Variants in CDH12 observed in about 807,000 individuals in gnomAD.
CDH12 encodes cadherin 12.
A neutral mutation model predicts 74.1 loss-of-function variants in CDH12; 41 were observed. The ratio of observed to expected loss-of-function variants is 0.55; its 90% CI spans 0.43 to 0.72. The LOEUF (loss-of-function observed/expected upper bound fraction) is 0.72. Ranked by LOEUF, CDH12 falls within the 30% of genes least tolerant of loss-of-function variation. The pLI, the probability that CDH12 is intolerant of heterozygous loss-of-function variation, is 0.00. For synonymous variants in CDH12, 399 were observed against 355.0 expected, an observed-to-expected ratio of 1.12 and a Z score of -1.39; for missense variants, 945 against 977.2, an observed-to-expected ratio of 0.97 and a Z score of 0.44.
intron 5 of CDH12, among the ~76,000 whole-genome samples, chr5:22,043,435 T>A (rs1176014758): frequency 2.0e-5 from 3 of 152,016 alleles, no homozygotes; most frequent in Non-Finnish European, 2.9e-5. Context: ...AGACATCAAA[T>A]GTATATAGCT....
In CDH12 at chr5:22,200,474, C is replaced by G. The variant is rs191260557; in HGVS notation, c.-187+12024G>C. Among the ~76,000 whole-genome samples, 72 of 152,190 alleles carry G rather than the reference C, an allele frequency of 4.7e-4. 1 individual carries two copies. Among genetic ancestry groups the G allele is most frequent in the Admixed American group, 1.8e-3 (28 of 15,286 alleles). On this transcript the variant is annotated intron_variant, in intron 4 of 14. Transcript: ENST00000382254. ...CACCCAGTTATTACATAGAAAAGAG[C>G]TGATTGAAAATAGGTGACCTTTACC...
chr5:22,039,432 C>T (rs1739420184), intron 5 of CDH12, among the ~76,000 whole-genome samples: 1 of 152,006 alleles, frequency 6.6e-6, no homozygotes. Context: ...ACCACAAGAC[C>T]CAGTGTCACA....
intron 3 of CDH12, among the ~76,000 whole-genome samples, chr5:22,220,267 G>A (rs994951582): frequency 1.1e-4 from 17 of 151,792 alleles, no homozygotes; most frequent in African/African-American, 3.9e-4. Context: ...TGATTCTACA[G>A]ATGTTATTGA....
chr5:22,174,437 T>C (rs1329631471), intron 4 of CDH12, among the ~76,000 whole-genome samples: 1 of 152,024 alleles, frequency 6.6e-6, no homozygotes, highest in African/African-American at 2.4e-5. Flanking sequence ...GTTTAATCAG[T>C]TCAAGATCCA....
chr5:21,903,876 T>C (rs939448023), intron 6 of CDH12, among the ~76,000 whole-genome samples: 1 of 152,042 alleles, frequency 6.6e-6, no homozygotes, highest in African/African-American at 2.4e-5. Context: ...TGAATAGTAG[T>C]TCCAGAAAAG....
chr5:22,236,201 T>C (rs1205518212), intron 3 of CDH12, among the ~76,000 whole-genome samples: 2 of 152,228 alleles, frequency 1.3e-5, no homozygotes, highest in Non-Finnish European at 2.9e-5. Context: ...ACAACGTACA[T>C]TTAGGCTATA....
chr5:21,775,475 T>C (rs996346246), intron 11 of CDH12, among the ~76,000 whole-genome samples: 7 of 152,220 alleles, frequency 4.6e-5, no homozygotes, highest in Middle Eastern at 3.4e-3. Context: ...TCACAAGTCT[T>C]TTAAGGCTCT....
At chr5:22,801,644 T>G (rs1160936842) in intron 1 of CDH12, among the ~76,000 whole-genome samples, 1 of 37,676 alleles carries the variant, frequency 2.7e-5, no homozygotes, top group Non-Finnish European at 5.5e-5. Flanking sequence ...ATCATATATA[T>G]ATATATATAT....
intron 8 of CDH12, among the ~76,000 whole-genome samples, chr5:21,833,129 AT>A (rs2149971929): frequency 4.4e-5 from 3 of 68,272 alleles, no homozygotes; most frequent in African/African-American, 6.9e-5. Flanking sequence ...TATATATTAT[AT>A]TATAAATATA....
chr5:22,775,367 C>T (rs1747036792), intron 1 of CDH12, among the ~76,000 whole-genome samples: 1 of 152,066 alleles, frequency 6.6e-6, no homozygotes, highest in African/African-American at 2.4e-5. Context: ...ACCTTAGGCT[C>T]ATAGTGGTTC....
At chr5:21,883,971 C>G in intron 6 of CDH12, 1 of 1,600,808 alleles carries the variant, frequency 6.2e-7, no homozygotes, top group Non-Finnish European at 8.6e-7. Context: ...TAATGAAGAT[C>G]AAAAAATTGG....
chr5:22,606,718 C>T (rs1014799339), intron 1 of CDH12, among the ~76,000 whole-genome samples: 27 of 152,116 alleles, frequency 1.8e-4, no homozygotes, highest in South Asian at 1.2e-3. Flanking sequence ...TGGACTAATA[C>T]ATTAAATTGG....
intron 1 of CDH12, among the ~76,000 whole-genome samples, chr5:22,727,307 A>AT (rs1351907232): frequency 1.3e-5 from 2 of 151,640 alleles, no homozygotes; most frequent in East Asian, 3.9e-4. Context: ...CTGCATTTGT[A>AT]TTTTTTCTTA....
chr5:22,343,087 G>A (rs1005828312), intron 3 of CDH12, among the ~76,000 whole-genome samples: 4 of 151,688 alleles, frequency 2.6e-5, no homozygotes, highest in East Asian at 3.9e-4. Context: ...ACTCCTGACC[G>A]CATGTGAGCT....
rs75505692 is a variant in CDH12 at position 22,122,474 on chromosome 5, C to T, written c.-186-43612G>A. Among the ~76,000 whole-genome samples the T allele has an allele frequency of 4.4e-3, 675 of 152,190 alleles. 4 individuals are homozygous for T. Among genetic ancestry groups the T allele is most frequent in the African/African-American group, 0.015 (640 of 41,556 alleles). On this transcript the variant is annotated intron_variant, in intron 4 of 14. Transcript: ENST00000382254. Reference sequence around the variant, plus strand: ...GCTTATAAGGCCCCACAAGATCTTCCGAAGGACTCATCTCCTATTTCCCTT... The same window carrying T: ...GCTTATAAGGCCCCACAAGATCTTCTGAAGGACTCATCTCCTATTTCCCTT...
intron 2 of CDH12, among the ~76,000 whole-genome samples, chr5:22,438,966 G>A (rs1344165293): frequency 2.0e-5 from 3 of 151,882 alleles, no homozygotes; most frequent in African/African-American, 7.2e-5. Flanking sequence ...TATCTGTGCT[G>A]ATGACAGACA....
intron 1 of CDH12, among the ~76,000 whole-genome samples, chr5:22,517,263 A>G (rs1340201764): frequency 6.6e-6 from 1 of 152,096 alleles, no homozygotes; most frequent in Non-Finnish European, 1.5e-5. Flanking sequence ...TTAAAATTCT[A>G]CATAATGTTT....
At chr5:22,709,080 T>C (rs1580911576) in intron 1 of CDH12, among the ~76,000 whole-genome samples, 1 of 152,082 alleles carries the variant, frequency 6.6e-6, no homozygotes, top group South Asian at 2.1e-4. Context: ...GGTGACATTT[T>C]CCTACCGACA....
intron 1 of CDH12, among the ~76,000 whole-genome samples, chr5:22,605,513 T>C (rs144828128): frequency 6.6e-6 from 1 of 152,254 alleles, no homozygotes; most frequent in East Asian, 1.9e-4. Context: ...TAGAATTCTG[T>C]TTCCCTTCCT....
Sources: gnomAD v4.1 joint callset for allele counts (sites outside exome capture counted in the v4.1 genomes callset) on GRCh38, gnomAD v4.1.1 for gene constraint, MANE v1.5 for transcripts, NCBI Gene and HGNC (gene_info 2026-07-23, HGNC 2026-07-21) for gene names.